Variants in C17orf67 observed in about 807,000 individuals in gnomAD.
C17orf67 encodes the protein uncharacterized protein C17orf67.
A neutral mutation model predicts 11.2 loss-of-function variants in C17orf67; 12 were observed. The ratio of observed to expected loss-of-function variants is 1.07; its 90% CI spans 0.68 to 1.73. The LOEUF (loss-of-function observed/expected upper bound fraction) is 1.73, where lower values mean the gene tolerates loss of function less well. Ranked by LOEUF, C17orf67 falls within the 40% of genes most tolerant of loss-of-function variation. C17orf67 has a pLI of 0.00. For missense variants in C17orf67, 115 were observed against 113.5 expected (o/e 1.01, Z -0.06); for synonymous variants, 59 against 46.9 (o/e 1.26, Z -1.05).
chr17:56,818,717 A>G lies in C17orf67; in HGVS notation c.-200-2707T>C, dbSNP rs190840732. On this transcript the variant is annotated intron_variant, in intron 4 of 7. Coordinates refer to ENST00000397861, the MANE Select transcript of C17orf67 (RefSeq NM_001085430.4). ...AAATATCCAAAATATTATTATTTTA[A>G]CACATAATCAATATAAACAAGTTGT... 8.9e-3 allele frequency among the ~76,000 whole-genome samples: 1,357 copies of G among 152,338 alleles called. 15 individuals are homozygous for G. Among genetic ancestry groups the G allele is most frequent in the Non-Finnish European group, 0.015 (995 of 68,028 alleles).
intron 4 of C17orf67, among the ~76,000 whole-genome samples, chr17:56,824,168 C>T (rs1905971356): frequency 6.6e-6 from 1 of 152,156 alleles, no homozygotes; most frequent in South Asian, 2.1e-4. Flanking sequence ...TGAGTTTGTT[C>T]TCTTGGGAGT....
intron 4 of C17orf67, among the ~76,000 whole-genome samples, chr17:56,822,449 A>G (rs1011916206): frequency 3.9e-5 from 6 of 152,274 alleles, no homozygotes; most frequent in Admixed American, 3.9e-4. Context: ...CATTGGGGAA[A>G]TTTCTTAACT....
chr17:56,793,870 C>G (rs541678161), intron 7 of C17orf67, among the ~76,000 whole-genome samples: 1 of 152,344 alleles, frequency 6.6e-6, no homozygotes, highest in East Asian at 1.9e-4. Flanking sequence ...AGAGCTCCAG[C>G]AGCTGGAAGA....
chr17:56,798,323 G>C (rs1439751371), intron 6 of C17orf67, among the ~76,000 whole-genome samples: 2 of 152,020 alleles, frequency 1.3e-5, no homozygotes, highest in Non-Finnish European at 2.9e-5. Context: ...TTTCTTAATA[G>C]GCATTATTGT....
intron 2 of C17orf67, among the ~76,000 whole-genome samples, 162 bp from the exon 3 acceptor site, chr17:56,825,483 G>A (rs1906003367): frequency 6.6e-6 from 1 of 152,150 alleles, no homozygotes; most frequent in South Asian, 2.1e-4. Flanking sequence ...AAATTTTCCA[G>A]ATAAAAATTT....
chr17:56,810,117 TCA>T (rs1597992836), intron 6 of C17orf67, among the ~76,000 whole-genome samples: 2 of 73,308 alleles, frequency 2.7e-5, no homozygotes, highest in Admixed American at 1.4e-4. Context: ...ACACACACCC[TCA>T]CACTCCTTGC....
chr17:56,819,045 T>C (rs923847229), intron 4 of C17orf67, among the ~76,000 whole-genome samples: 13 of 152,204 alleles, frequency 8.5e-5, no homozygotes, highest in African/African-American at 2.9e-4. Flanking sequence ...ATCACTTCCA[T>C]GCATAAGATC....
intron 6 of C17orf67, among the ~76,000 whole-genome samples, chr17:56,807,860 A>G (rs987472299): frequency 1.3e-5 from 2 of 151,726 alleles, no homozygotes; most frequent in East Asian, 3.9e-4. Context: ...ACTGCACTCC[A>G]GCCTGGGCAA....
intron 2 of C17orf67, among the ~76,000 whole-genome samples, chr17:56,829,211 G>C (rs1444126401): frequency 6.6e-6 from 1 of 152,162 alleles, no homozygotes; most frequent in Non-Finnish European, 1.5e-5. Context: ...GGGAGGTGGA[G>C]ATTGCAGTGA....
intron 5 of C17orf67, 34 bp from the exon 6 acceptor site, chr17:56,815,003 C>T: frequency 1.3e-6 from 2 of 1,557,376 alleles, no homozygotes; most frequent in Non-Finnish European, 1.8e-6. Context: ...TAAGGACACT[C>T]AGGCTCAGGA....
chr17:56,793,509 C>T (rs1206671487), intron 7 of C17orf67, among the ~76,000 whole-genome samples: 1 of 152,202 alleles, frequency 6.6e-6, no homozygotes, highest in Non-Finnish European at 1.5e-5. Context: ...ACCCAGAAAC[C>T]TCTCCTTTAA....
chr17:56,802,851 C>T (rs528526851), intron 6 of C17orf67, among the ~76,000 whole-genome samples: 1 of 152,300 alleles, frequency 6.6e-6, no homozygotes, highest in Admixed American at 6.5e-5. Flanking sequence ...CCTCAGAGGC[C>T]CATAAGGCCA....
intron 6 of C17orf67, among the ~76,000 whole-genome samples, chr17:56,811,518 C>A (rs1905624822): frequency 6.6e-6 from 1 of 151,776 alleles, no homozygotes; most frequent in Non-Finnish European, 1.5e-5. Flanking sequence ...TACCAGATAA[C>A]CTCGTTAGTG....
chr17:56,809,765 C>T (rs562003929), intron 6 of C17orf67, among the ~76,000 whole-genome samples: 2 of 147,352 alleles, frequency 1.4e-5, no homozygotes, highest in Non-Finnish European at 3.0e-5. Context: ...ACACACACCC[C>T]TCTACACACA....
At chr17:56,802,218 T>C (rs530002281) in intron 6 of C17orf67, among the ~76,000 whole-genome samples, 1 of 152,346 alleles carries the variant, frequency 6.6e-6, no homozygotes, top group African/African-American at 2.4e-5. Context: ...CTGTGGCTTC[T>C]GGTTGAGTTT....
chr17:56,804,337 G>A (rs923551080), intron 6 of C17orf67: 2 of 152,158 alleles, frequency 1.3e-5, no homozygotes, highest in Non-Finnish European at 2.9e-5. Flanking sequence ...AATACTTCCT[G>A]TGACATTTTT....
At chr17:56,817,856 A>ATTT (rs11412722) in intron 4 of C17orf67, among the ~76,000 whole-genome samples, 90 of 149,212 alleles carry the variant, frequency 6.0e-4, no homozygotes, top group Middle Eastern at 3.5e-3. Flanking sequence ...ATTTTAGAGC[A>ATTT]TTTTTTTTTT....
At chr17:56,812,915 G>C (rs559022001) in intron 6 of C17orf67, among the ~76,000 whole-genome samples, 1 of 152,066 alleles carries the variant, frequency 6.6e-6, no homozygotes, top group Non-Finnish European at 1.5e-5. Context: ...TTGCAACAAC[G>C]GGCTGCAGCA....
intron 6 of C17orf67, among the ~76,000 whole-genome samples, chr17:56,804,561 G>A (rs1471816430): frequency 6.6e-6 from 1 of 152,164 alleles, no homozygotes; most frequent in East Asian, 1.9e-4. Flanking sequence ...GGGTAATGGA[G>A]TTACTACATA....
Sources: allele counts gnomAD v4.1 joint callset (sites outside exome capture counted in the v4.1 genomes callset), GRCh38; gene constraint gnomAD v4.1.1; transcripts MANE v1.5; gene names NCBI Gene and HGNC (gene_info 2026-07-23, HGNC 2026-07-21).